The following DOCK1 variants were observed in gnomAD, a reference collection of about 807,000 sequenced individuals.
The protein encoded by DOCK1 is dedicator of cytokinesis protein 1.
DOCK1 carries 138 observed loss-of-function variants against 262.7 expected under a neutral mutation model. That is an observed-to-expected ratio of 0.53 (90% confidence interval 0.46 to 0.61). The LOEUF is 0.61. DOCK1 is among the 20% of genes least tolerant of loss of function. DOCK1 has a pLI of 0.00. For synonymous variants in DOCK1, 866 were observed against 867.4 expected (o/e 1.00, Z 0.03); for missense variants, 1,908 against 2,370.7 (o/e 0.80, Z 4.05).
intron 16 of DOCK1, among the ~76,000 whole-genome samples, chr10:127,028,146 G>C (rs1422774735): frequency 6.6e-6 from 1 of 152,158 alleles, no homozygotes; most frequent in Non-Finnish European, 1.5e-5. Context: ...ATGCAGGCCA[G>C]GGGTTCAGTT....
At chr10:127,006,151 G>A (rs2041000660) in intron 10 of DOCK1, among the ~76,000 whole-genome samples, 1 of 152,184 alleles carries the variant, frequency 6.6e-6, no homozygotes, top group East Asian at 1.9e-4. Context: ...CGGAGTTGCT[G>A]ACTCGCAGGG....
At chr10:127,277,784 C>T (rs966412066) in intron 29 of DOCK1, among the ~76,000 whole-genome samples, 6 of 152,038 alleles carry the variant, frequency 3.9e-5, no homozygotes, top group Non-Finnish European at 7.4e-5. Context: ...TGAAGACAAT[C>T]GATGAAACGA....
intron 1 of DOCK1, among the ~76,000 whole-genome samples, chr10:126,955,448 C>T (rs1030817563): frequency 3.3e-5 from 5 of 152,176 alleles, no homozygotes; most frequent in African/African-American, 1.2e-4. Context: ...AAGGCCTTTA[C>T]ATTTTCATTT....
intron 21 of DOCK1, 57 bp downstream of exon 21, chr10:127,043,221 T>A (rs2044134016): frequency 7.4e-7 from 1 of 1,357,760 alleles, no homozygotes; most frequent in African/African-American, 1.4e-5. Flanking sequence ...TTGTGTTATT[T>A]AGAGTCTTTT....
chr10:127,310,042 T>C (rs536497439), intron 29 of DOCK1, among the ~76,000 whole-genome samples: 5 of 152,112 alleles, frequency 3.3e-5, no homozygotes, highest in African/African-American at 1.2e-4. Flanking sequence ...CACCCAGCAA[T>C]TTTTGTACTT....
chr10:127,167,319 AAAAAG>A (rs2054167678), intron 27 of DOCK1, among the ~76,000 whole-genome samples: 1 of 152,216 alleles, frequency 6.6e-6, no homozygotes, highest in African/African-American at 2.4e-5. Flanking sequence ...GTTTCAACAG[AAAAAG>A]AAAAGAAAAT....
chr10:127,217,983 C>G (rs1446318663), intron 27 of DOCK1, among the ~76,000 whole-genome samples: 2 of 151,504 alleles, frequency 1.3e-5, no homozygotes, highest in Admixed American at 1.3e-4. Flanking sequence ...TTTTTCTCAG[C>G]CTTGTTGAGG....
At chr10:127,149,593 T>C (rs1158886801) in intron 27 of DOCK1, among the ~76,000 whole-genome samples, 2 of 152,300 alleles carry the variant, frequency 1.3e-5, no homozygotes, top group East Asian at 3.9e-4. Flanking sequence ...TGGATAGCTA[T>C]GCTGCTCGGA....
At chr10:127,081,877 C>G (rs115133928) in intron 23 of DOCK1, among the ~76,000 whole-genome samples, 1 of 152,178 alleles carries the variant, frequency 6.6e-6, no homozygotes, top group Non-Finnish European at 1.5e-5. Flanking sequence ...AATGTCCTCT[C>G]GTCACCACCG....
chr10:126,910,846 G>A (rs1172406917), intron 1 of DOCK1, among the ~76,000 whole-genome samples: 2 of 152,056 alleles, frequency 1.3e-5, no homozygotes, highest in Non-Finnish European at 2.9e-5. Flanking sequence ...AAGCTTTCGG[G>A]ATTGGCTTTT....
chr10:127,278,585 A>G (rs377653301), intron 29 of DOCK1, among the ~76,000 whole-genome samples: 1 of 152,182 alleles, frequency 6.6e-6, no homozygotes, highest in Non-Finnish European at 1.5e-5. Flanking sequence ...CTGAAAAGAC[A>G]TATATTCTTC....
At chr10:126,960,919 A>G (rs2037166627) in intron 1 of DOCK1, among the ~76,000 whole-genome samples, 2 of 151,778 alleles carry the variant, frequency 1.3e-5, no homozygotes, top group South Asian at 4.2e-4. Context: ...TGGATAAGGC[A>G]TACAGAGATA....
chr10:127,279,773 G>A (rs942996524), intron 29 of DOCK1, among the ~76,000 whole-genome samples: 24 of 152,028 alleles, frequency 1.6e-4, no homozygotes, highest in East Asian at 9.7e-4. Context: ...TTCAGTTCCC[G>A]AGGCTGGTGC....
At chr10:127,310,063 C>G (rs1402724485) in intron 29 of DOCK1, among the ~76,000 whole-genome samples, 1 of 152,042 alleles carries the variant, frequency 6.6e-6, no homozygotes, top group Non-Finnish European at 1.5e-5. Flanking sequence ...TTAGTAGAGA[C>G]AGGGTTTCAC....
chr10:127,231,426 T>G (rs1384341446), intron 27 of DOCK1, among the ~76,000 whole-genome samples: 2 of 152,170 alleles, frequency 1.3e-5, no homozygotes, highest in Non-Finnish European at 2.9e-5. Flanking sequence ...CTTATTCTTT[T>G]TTTTTTATTT....
intron 29 of DOCK1, 51 bp downstream of exon 29, chr10:127,257,480 T>C (rs1043421138): frequency 6.6e-7 from 1 of 1,515,432 alleles, no homozygotes; most frequent in South Asian, 1.2e-5. Flanking sequence ...CCAATTCATG[T>C]CTGCTGGGAA....
intron 29 of DOCK1, among the ~76,000 whole-genome samples, chr10:127,313,333 C>G (rs780635593): frequency 6.6e-6 from 1 of 152,106 alleles, no homozygotes; most frequent in East Asian, 1.9e-4. Flanking sequence ...GACAAGCTCA[C>G]GAGTAGGCAT....
chr10:127,047,033 T>A (rs554572608), intron 21 of DOCK1, among the ~76,000 whole-genome samples: 1 of 152,316 alleles, frequency 6.6e-6, no homozygotes, highest in South Asian at 2.1e-4. Flanking sequence ...TGGAGAAGTT[T>A]GGGTGGCGGA....
At chr10:126,965,485 A>C (rs2037600361) in intron 1 of DOCK1, among the ~76,000 whole-genome samples, 2 of 152,122 alleles carry the variant, frequency 1.3e-5, no homozygotes, top group African/African-American at 4.8e-5. Flanking sequence ...AAGGGAAGAC[A>C]GTCTGTACAT....
Sources: allele counts gnomAD v4.1 joint callset (sites outside exome capture counted in the v4.1 genomes callset), GRCh38; gene constraint gnomAD v4.1.1; transcripts MANE v1.5; gene names NCBI Gene and HGNC (gene_info 2026-07-23, HGNC 2026-07-21).